DYSF: variants seen among roughly 807,000 people sequenced by gnomAD.
DYSF encodes dystrophy-associated fer-1-like 1.
Under a neutral mutation model 274.9 loss-of-function variants are expected in DYSF, and 212 were observed. That is an observed-to-expected ratio of 0.77 (90% CI 0.69 to 0.86). The LOEUF (loss-of-function observed/expected upper bound fraction) is 0.86. DYSF is among the 40% of genes least tolerant of loss of function. The pLI, the probability that DYSF is intolerant of heterozygous loss-of-function variation, is 0.00. For synonymous variants in DYSF, 1,091 were observed against 1,078.7 expected, an observed-to-expected ratio of 1.01 and a Z score of -0.22; for missense variants, 2,666 against 2,783.2, an observed-to-expected ratio of 0.96 and a Z score of 0.95.
chr2:71,565,802 G>C (rs1469679585), intron 24 of DYSF, among the ~76,000 whole-genome samples: 1 of 152,204 alleles, frequency 6.6e-6, no homozygotes, highest in African/African-American at 2.4e-5. Context: ...CCACTTTACA[G>C]GTTTTGAGGG....
chr2:71,557,541 C>T (rs559894332), intron 22 of DYSF, among the ~76,000 whole-genome samples: 9 of 151,604 alleles, frequency 5.9e-5, no homozygotes, highest in Non-Finnish European at 1.2e-4. Flanking sequence ...CTGGTGGTGG[C>T]GGCGAATGGC....
chr2:71,567,797 A>T (rs2152810729), intron 24 of DYSF, among the ~76,000 whole-genome samples, 154 bp from the exon 25 acceptor site: 1 of 152,270 alleles, frequency 6.6e-6, no homozygotes, highest in Middle Eastern at 3.4e-3. Flanking sequence ...CTCCCCTTCT[A>T]TGCAATTCTG....
Position 71,662,789 on chromosome 2 carries a change from TTGTGTCTG to T in DYSF, c.5004-1465_5004-1458del, listed in dbSNP as rs527338667. Among the ~76,000 whole-genome samples the T allele has an allele frequency of 5.1e-3, 755 of 148,522 alleles. 4 individuals are homozygous for T. The highest frequency in any genetic ancestry group is 0.011 in the African/African-American group (461 of 40,310). The stretch of plus-strand genomic sequence containing the variant: ...TTTGTATGTGTGTGTGTATGTGTGT[TTGTGTCTG>T]TGTGTCTGTGTGTGGTGTGTGTATA... On this transcript the variant is annotated intron_variant, in intron 45 of 55. Transcript: ENST00000410020.
chr2:71,540,352 G>A lies in DYSF; in HGVS notation c.1576+1113G>A, dbSNP rs181171084. Among the ~76,000 whole-genome samples, 220 of 151,896 alleles carry A rather than the reference G, an allele frequency of 1.4e-3. 1 individual carries two copies. In the East Asian group the frequency reaches 0.023, roughly 16 times the overall value. On this transcript the variant is annotated intron_variant, in intron 17 of 55. Coordinates refer to ENST00000410020, the MANE Select transcript of DYSF (RefSeq NM_001130987.2). ...TCTCGAACTCCTGGCCTCATGATCC[G>A]CCCACCTCGGCCTCCCAAAGTGCTG...
In DYSF at chr2:71,569,903, G is replaced by T; in HGVS notation, c.2948G>T (p.Trp983Leu). ...CAGACCCGGCTTCCCGGAGGCCAGTGGATCTACATGAGTGACAACTACACC... is the reference window on the plus strand; with the variant it reads ...CAGACCCGGCTTCCCGGAGGCCAGTTGATCTACATGAGTGACAACTACACC... ...ENQTRLPGGQ[W>L]IYMSDNYTDV... The change falls in exon 27 of 56, where the codon TGG becomes TTG. Residue 983 changes from tryptophan (W) to leucine (L), a missense_variant. By Grantham distance (61) the Trp-to-Leu change is moderately conservative (BLOSUM62 -2). This residue lies in a region of DYSF where 412 missense variants were observed against 504.0 expected (regional missense o/e 0.82). Transcript: ENST00000410020. 6 of 1,614,056 alleles carry T rather than the reference G, an allele frequency of 3.7e-6. No individual in the cohort carries two copies. Among genetic ancestry groups the T allele is most frequent in the Non-Finnish European group, 5.1e-6 (6 of 1,180,016 alleles).
Position 71,563,936 on chromosome 2 carries a change from G to A in DYSF, c.2410-122G>A, listed in dbSNP as rs1466335609. The A allele has an allele frequency of 1.6e-5, 22 of 1,385,610 alleles. No homozygotes were observed. In the East Asian group the frequency reaches 4.7e-4, roughly 30 times the overall value. The allele number at this position is 1,385,610 out of a possible 1,614,324, so 85.8% of individuals were successfully genotyped here. ...GAAGGCCAGGGTGGACAGTGTGTGG[G>A]ATGGAAGCTGGGAGAGGAGAGGCCT... On this transcript the variant is annotated intron_variant, in intron 23 of 55. Transcript: ENST00000410020.
chr2:71,521,064 A>C (rs1304759541), intron 12 of DYSF, among the ~76,000 whole-genome samples, 160 bp downstream of exon 12: 2 of 152,264 alleles, frequency 1.3e-5, no homozygotes, highest in Non-Finnish European at 2.9e-5. Flanking sequence ...TTAATAAAAA[A>C]TGAATGCTCT....
Position 71,454,073 on chromosome 2 carries a change from C to T in DYSF, c.75C>T (p.Ser25=), listed in dbSNP as rs375772222. Residue 25 remains serine (S), a synonymous_variant, in exon 1 of 55, where the codon TCC becomes TCT. Coordinates refer to the DYSF transcript ENST00000258104. ...CCGACATCAGCGATGCCTACTGCTCCGCGGTGTTTGCAGGTAGGAGGGGCC... is the reference window on the plus strand; with the variant it reads ...CCGACATCAGCGATGCCTACTGCTCTGCGGTGTTTGCAGGTAGGAGGGGCC... 6.2e-7 allele frequency: 1 copy of T among 1,614,058 alleles called. No homozygotes were observed. Among genetic ancestry groups the T allele is most frequent in the Middle Eastern group, 1.6e-4 (1 of 6,062 alleles).
chr2:71,647,444 A>C (rs995590071), intron 42 of DYSF, among the ~76,000 whole-genome samples: 1 of 152,220 alleles, frequency 6.6e-6, no homozygotes, highest in Non-Finnish European at 1.5e-5. Flanking sequence ...ACCGCTTAGA[A>C]ATTTAAAAAA....
rs940489560 is a variant in DYSF, at chr2:71,519,651, CT to C, written c.1003-517del. Among the ~76,000 whole-genome samples the C allele has an allele frequency of 6.7e-3, 995 of 148,082 alleles. 8 individuals carry two copies. The highest frequency in any genetic ancestry group is 0.023 in the African/African-American group (930 of 40,564). ...CCTATTGTGTTGAATTTCCTTTCCT[CT>C]TTTTTTTTTGAGACGGATTTTTGCT... On this transcript the variant is annotated intron_variant, in intron 10 of 55. Transcript: ENST00000410020.
intron 23 of DYSF, among the ~76,000 whole-genome samples, chr2:71,562,583 G>C (rs1469423587): frequency 6.6e-6 from 1 of 152,188 alleles, no homozygotes; most frequent in Non-Finnish European, 1.5e-5. Context: ...GGAATGAGAA[G>C]CGTCTGCTCA....
chr2:71,515,668 A>G lies in DYSF; in HGVS notation c.805A>G (p.Ile269Val). The G allele has an allele frequency of 6.2e-7, 1 of 1,613,990 alleles. No homozygotes were observed. Among genetic ancestry groups the G allele is most frequent in the Non-Finnish European group, 8.5e-7 (1 of 1,179,996 alleles). Residue 269 changes from isoleucine (I) to valine (V), a missense_variant, in exon 8 of 56, where the codon ATC (isoleucine) becomes GTC (valine). By Grantham distance (29) the Ile-to-Val change is conservative (BLOSUM62 3). This residue lies in a region of DYSF where 794 missense variants were observed against 777.1 expected (regional missense o/e 1.02). Coordinates refer to ENST00000410020, the MANE Select transcript of DYSF (RefSeq NM_001130987.2). ...GGGGCGCCAGCTGCCGGGGGTGAAC[A>G]TCAAGCCTGTGGTCAAGGTTACCGC... ...IEGRQLPGVN[I>V]KPVVKVTAAG...
chr2:71,569,853 C>T lies in DYSF; in HGVS notation c.2898C>T (p.Ser966=), dbSNP rs761960980. 20 of 1,614,020 alleles carry T rather than the reference C, an allele frequency of 1.2e-5. No homozygotes were observed. The highest frequency in any genetic ancestry group is 1.7e-5 in the Non-Finnish European group (20 of 1,180,040). The change falls in exon 27 of 56, where the codon AGC becomes AGT. Residue 966 remains serine (S), a synonymous_variant. Transcript: ENST00000410020. ...ATGACATGGACGCCGGTCACCTGAG[C>T]TTCGTGGAAGAGGTGTTTGAGAACC... ...LLHDMDAGHL[S]FVEEVFENQT...
intron 3 of DYSF, among the ~76,000 whole-genome samples, chr2:71,499,692 GC>G (rs2084779318): frequency 6.6e-6 from 1 of 152,182 alleles, no homozygotes; most frequent in Non-Finnish European, 1.5e-5. Flanking sequence ...TCCTTCCCTT[GC>G]CCATGCCAGT....
intron 17 of DYSF, among the ~76,000 whole-genome samples, chr2:71,544,063 C>T (rs985827215): frequency 6.6e-6 from 1 of 152,216 alleles, no homozygotes; most frequent in African/African-American, 2.4e-5. Flanking sequence ...TCTCTCCCGG[C>T]AGTTCTGCTT....
chr2:71,583,587 T>G (rs577907715), intron 30 of DYSF, among the ~76,000 whole-genome samples: 2 of 152,342 alleles, frequency 1.3e-5, no homozygotes, highest in South Asian at 4.1e-4. Flanking sequence ...GGCCCTTCTG[T>G]CACCTTACTG....
chr2:71,477,091 G>T (rs1229903753), intron 1 of DYSF, among the ~76,000 whole-genome samples: 1 of 152,108 alleles, frequency 6.6e-6, no homozygotes, highest in Non-Finnish European at 1.5e-5. Context: ...TCTGGGATTT[G>T]TTCACATGGT....
At chr2:71,637,549 G>A (rs2094423889) in intron 41 of DYSF, among the ~76,000 whole-genome samples, 1 of 152,216 alleles carries the variant, frequency 6.6e-6, no homozygotes, top group African/African-American at 2.4e-5. Context: ...GGCCAGGGAA[G>A]TGAGATGAGG....
At chr2:71,454,547 G>A (rs545598690) in intron 1 of DYSF, among the ~76,000 whole-genome samples, 7 of 152,288 alleles carry the variant, frequency 4.6e-5, no homozygotes, top group Non-Finnish European at 8.8e-5. Flanking sequence ...CTCAGAGGCT[G>A]GCCTGGCAGG....
Sources: allele counts gnomAD v4.1 joint callset (sites outside exome capture counted in the v4.1 genomes callset), GRCh38; gene constraint gnomAD v4.1.1; regional missense constraint gnomAD v4.1.1; transcripts MANE v1.5; gene names NCBI Gene and HGNC (gene_info 2026-07-23, HGNC 2026-07-21).